The following DGKD variants were observed in gnomAD, a reference collection of about 807,000 sequenced individuals.
DGKD encodes the protein diacylglycerol kinase delta.
In DGKD, 68 loss-of-function variants were observed where a neutral mutation model predicts 154.4. That is an observed-to-expected ratio of 0.44 (90% CI 0.36 to 0.54). DGKD has a LOEUF of 0.54. DGKD is among the 20% of genes least tolerant of loss of function. The probability of loss-of-function intolerance (pLI) is 0.00; values close to 1 mark genes in which losing one functional copy is unlikely to be tolerated. For missense variants in DGKD, 1,343 were observed against 1,593.6 expected, an observed-to-expected ratio of 0.84 and a Z score of 2.68; for synonymous variants, 693 against 638.0, an observed-to-expected ratio of 1.09 and a Z score of -1.30.
intron 1 of DGKD, among the ~76,000 whole-genome samples, chr2:233,381,956 A>G (rs565965284): frequency 1.3e-5 from 2 of 152,348 alleles, no homozygotes; most frequent in South Asian, 2.1e-4. Context: ...AAATTGGGCC[A>G]GGTGCGGTGG....
chr2:233,360,740 C>G (rs184381398), intron 1 of DGKD, among the ~76,000 whole-genome samples: 1 of 152,216 alleles, frequency 6.6e-6, no homozygotes, highest in East Asian at 1.9e-4. Flanking sequence ...AACTCTAAAT[C>G]CAGTGTTGGT....
At chr2:233,419,554 T>A in intron 3 of DGKD, 1 of 594,774 alleles carries the variant, frequency 1.7e-6, no homozygotes, top group Non-Finnish European at 2.1e-6. Context: ...CTTCTTGGCT[T>A]GTATGTCTTA....
chr2:233,393,829 A>AT (rs996266595), intron 3 of DGKD, among the ~76,000 whole-genome samples: 1 of 151,072 alleles, frequency 6.6e-6, no homozygotes, highest in Non-Finnish European at 1.5e-5. Context: ...TTACAGACAC[A>AT]TGCCACCATG....
At chr2:233,365,505 G>GA (rs1701983498) in intron 1 of DGKD, among the ~76,000 whole-genome samples, 1 of 152,052 alleles carries the variant, frequency 6.6e-6, no homozygotes, top group Non-Finnish European at 1.5e-5. Flanking sequence ...TCGGCCTCCT[G>GA]AAGTGCTGGG....
intron 3 of DGKD, among the ~76,000 whole-genome samples, chr2:233,432,811 A>T (rs931595319): frequency 1.3e-5 from 2 of 152,262 alleles, no homozygotes; most frequent in Non-Finnish European, 2.9e-5. Flanking sequence ...TCAAAAGAAG[A>T]CATACATATG....
Position 233,446,867 on chromosome 2 carries a change from C to G in DGKD, c.1419+71C>G, listed in dbSNP as rs1003500814. The G allele has an allele frequency of 7.7e-6, 12 of 1,555,682 alleles. No homozygotes were observed. The African/African-American group carries it at 1.6e-4, about 21-fold the overall frequency. On this transcript the variant is annotated intron_variant, in intron 12 of 29. Transcript: ENST00000264057. ...TCAGAACTGTCCTGTCAGCGGTTTG[C>G]ATCACCTCCCTTGCAGAGACGCCTC...
At chr2:233,460,526 A>T (rs142883935) in intron 24 of DGKD, among the ~76,000 whole-genome samples, 181 bp downstream of exon 24, 166 of 152,276 alleles carry the variant, frequency 1.1e-3, no homozygotes, top group African/African-American at 3.7e-3. Context: ...GTGGTCTTTC[A>T]GAACTCGCCT....
chr2:233,436,886 G>T (rs915814881), intron 7 of DGKD, among the ~76,000 whole-genome samples: 1 of 152,228 alleles, frequency 6.6e-6, no homozygotes, highest in African/African-American at 2.4e-5. Context: ...GGGTCTCATC[G>T]TTGCTCTGGG....
At chr2:233,355,221 G>C (rs902217088) in intron 1 of DGKD, among the ~76,000 whole-genome samples, 3 of 152,204 alleles carry the variant, frequency 2.0e-5, no homozygotes, top group Non-Finnish European at 4.4e-5. Flanking sequence ...AGGGAAGGAA[G>C]GGATGCGCGT....
chr2:233,447,377 G>A, intron 12 of DGKD: 1 of 609,354 alleles, frequency 1.6e-6, no homozygotes, highest in Non-Finnish European at 2.1e-6. Context: ...GTGCAGTGCT[G>A]GGTGGGGTAG....
chr2:233,451,202 G>T, intron 17 of DGKD, 152 bp downstream of exon 17: 22 of 757,964 alleles, frequency 2.9e-5, no homozygotes, highest in Non-Finnish European at 3.9e-5. Context: ...TGTATGAAAA[G>T]TGCTTTTTTT....
chr2:233,429,386 A>T (rs2062430461), intron 3 of DGKD: 1 of 937,946 alleles, frequency 1.1e-6, no homozygotes, highest in South Asian at 4.9e-5. Flanking sequence ...ACAGTTCGGG[A>T]CGTGTGCTCA....
intron 3 of DGKD, among the ~76,000 whole-genome samples, chr2:233,415,021 G>A (rs2061926181): frequency 6.6e-6 from 1 of 152,184 alleles, no homozygotes; most frequent in Admixed American, 6.5e-5. Flanking sequence ...GAGATCCTGA[G>A]TTCAAGCAAT....
At position 233,409,804 on chromosome 2, in the gene DGKD, T is replaced by G. The variant is rs1369667786; in HGVS notation, c.348+19321T>G. Among the ~76,000 whole-genome samples the G allele has an allele frequency of 4.1e-5, 6 of 144,914 alleles. No homozygotes were observed. In the South Asian group the frequency reaches 6.8e-4, roughly 16 times the overall value. The stretch of plus-strand genomic sequence containing the variant: ...CCCATACCGTTTTTTTTTTTTTTTT[T>G]TTTTTTTTTTTTAAGACAGGAGGAG... On this transcript the variant is annotated intron_variant, in intron 3 of 29. Transcript: ENST00000264057.
chr2:233,403,736 T>G (rs909838803), intron 3 of DGKD, among the ~76,000 whole-genome samples: 9 of 150,662 alleles, frequency 6.0e-5, no homozygotes, highest in African/African-American at 2.2e-4. Context: ...GCCTCCCGGG[T>G]TCAAGCAATT....
chr2:233,354,800 T>A lies in DGKD; in HGVS notation c.156+126T>A. The A allele has an allele frequency of 2.3e-6, 1 of 434,134 alleles. No homozygotes were observed. Among genetic ancestry groups the A allele is most frequent in the Non-Finnish European group, 3.0e-6 (1 of 331,236 alleles). 26.9% of individuals were successfully genotyped at this position (434,134 alleles called of 1,614,324 possible). On this transcript the variant is annotated intron_variant, in intron 1 of 29. Coordinates refer to ENST00000264057, the MANE Select transcript of DGKD (RefSeq NM_152879.3). This position sits in a 1 kb window ranked among gnomAD's most constrained non-coding sequence, Gnocchi z 4.8. Reference sequence around the variant, plus strand: ...GGCCCGGCCCGGGGTCCCGCGGGCGTCACCGCCCCTGTCGAGCGTGCCCCG... The same window carrying A: ...GGCCCGGCCCGGGGTCCCGCGGGCGACACCGCCCCTGTCGAGCGTGCCCCG...
rs1371823898 is a variant in DGKD, at chr2:233,452,665, C to T, written c.2264+605C>T. Among the ~76,000 whole-genome samples, 1 of 152,210 alleles carries T rather than the reference C, an allele frequency of 6.6e-6. No homozygotes were observed. Among genetic ancestry groups the T allele is most frequent in the Non-Finnish European group, 1.5e-5 (1 of 68,036 alleles). ...CCTTGGGGGACAAGGCCTTCTTCCT[C>T]TGCTGGCCTGTAAGGCAGTGAGGAC... is the stretch of plus-strand genomic sequence containing the variant. On this transcript the variant is annotated intron_variant, in intron 18 of 29. Transcript: ENST00000264057. The surrounding 1 kb of genome is among the most constrained non-coding windows in gnomAD (Gnocchi z 4.0).
At chr2:233,378,536 C>T (rs1334457098) in intron 1 of DGKD, among the ~76,000 whole-genome samples, 1 of 152,152 alleles carries the variant, frequency 6.6e-6, no homozygotes, top group East Asian at 1.9e-4. Context: ...AGGCGTGATC[C>T]ACTGTGCTCA....
chr2:233,383,898 A>G (rs988940291), intron 1 of DGKD, among the ~76,000 whole-genome samples: 1 of 152,230 alleles, frequency 6.6e-6, no homozygotes, highest in Non-Finnish European at 1.5e-5. Flanking sequence ...GGGAACGGGA[A>G]GCATTCTAAA....
Sources: gnomAD v4.1 joint callset for allele counts (sites outside exome capture counted in the v4.1 genomes callset) on GRCh38, gnomAD v4.1.1 for gene constraint, Gnocchi (gnomAD v3.1) non-coding constraint, MANE v1.5 for transcripts, NCBI Gene and HGNC (gene_info 2026-07-23, HGNC 2026-07-21) for gene names.